Variants in GLB1 observed in about 807,000 individuals in gnomAD.
The protein encoded by GLB1 is beta-galactosidase.
In GLB1, 56 loss-of-function variants were observed where a neutral mutation model predicts 74.0. The observed-to-expected ratio is 0.76, with a 90% CI of 0.61 to 0.94. The LOEUF is 0.94. Ranked by LOEUF, GLB1 falls within the 40% of genes least tolerant of loss-of-function variation. The pLI is 0.00. For synonymous variants in GLB1, 323 were observed against 323.6 expected, an observed-to-expected ratio of 1.00 and a Z score of 0.02; for missense variants, 787 against 845.5, an observed-to-expected ratio of 0.93 and a Z score of 0.86.
At position 33,068,399 on chromosome 3, in the gene GLB1, A is replaced by T. The variant is rs1009480314; in HGVS notation, c.397-109T>A. 9 of 1,452,000 alleles carry T rather than the reference A, an allele frequency of 6.2e-6. No homozygotes were observed. In the South Asian group the frequency reaches 1.2e-4, roughly 19 times the overall value. The allele number at this position is 1,452,000 out of a possible 1,614,324, so 89.9% of individuals were successfully genotyped here. ...GAAAAGAATAAAAGCTTCAAGGGAC[A>T]AGGGGTATTTGAGCTGGGCTTTTTG... On this transcript the variant is annotated intron_variant, in intron 3 of 15. Transcript: ENST00000307363.
chr3:33,067,037 T>C (rs1375693017), intron 4 of GLB1, among the ~76,000 whole-genome samples: 1 of 149,904 alleles, frequency 6.7e-6, no homozygotes, highest in East Asian at 2.0e-4. Context: ...AGTTTCGCTC[T>C]TGTTGCCCAG....
chr3:33,017,609 G>A (rs12635761), intron 13 of GLB1, among the ~76,000 whole-genome samples: 35,657 of 152,086 alleles, frequency 0.23, 4,385 homozygotes, highest in Admixed American at 0.31. Flanking sequence ...TGACCATTTC[G>A]GTGAGAGGAC....
intron 10 of GLB1, among the ~76,000 whole-genome samples, chr3:33,029,419 C>T (rs1213117956): frequency 6.6e-6 from 1 of 152,168 alleles, no homozygotes; most frequent in Non-Finnish European, 1.5e-5. Context: ...TAAGAAAGTA[C>T]TCTGTGTCAG....
the GLB1 span, among the ~76,000 whole-genome samples, chr3:32,978,982 T>C: frequency 1.7e-4 from 26 of 150,118 alleles, no homozygotes; most frequent in African/African-American, 5.9e-4. Flanking sequence ...TTTCTTTCTT[T>C]TTTTTTTTTC....
chr3:32,990,764 G>C, the GLB1 span, among the ~76,000 whole-genome samples: 3 of 152,170 alleles, frequency 2.0e-5, no homozygotes, highest in African/African-American at 7.2e-5. Flanking sequence ...ACGAGGTCAG[G>C]AGATCGAGAC....
At chr3:33,000,029 A>T (rs1696487916) in intron 15 of GLB1, among the ~76,000 whole-genome samples, 1 of 149,222 alleles carries the variant, frequency 6.7e-6, no homozygotes, top group Non-Finnish European at 1.5e-5. Flanking sequence ...CACCATCACG[A>T]CTCACTGTAG....
chr3:32,979,709 G>A, the GLB1 span, among the ~76,000 whole-genome samples: 1 of 151,668 alleles, frequency 6.6e-6, no homozygotes, highest in African/African-American at 2.4e-5. Flanking sequence ...AAAATTAGCT[G>A]GGCATGGTGG....
At chr3:33,040,441 C>CA (rs71070115) in intron 10 of GLB1, among the ~76,000 whole-genome samples, 19,547 of 146,642 alleles carry the variant, frequency 0.13, 1,660 homozygotes, top group Non-Finnish European at 0.19. Context: ...CCTGGCTCTA[C>CA]AAAAAAAAAA....
chr3:33,017,830 A>C (rs1697296676), intron 13 of GLB1, among the ~76,000 whole-genome samples: 1 of 152,196 alleles, frequency 6.6e-6, no homozygotes, highest in Non-Finnish European at 1.5e-5. Context: ...AACATCAGTC[A>C]CAGAAGGGCG....
At chr3:33,006,095 C>A (rs58451264) in intron 15 of GLB1, among the ~76,000 whole-genome samples, 11,146 of 152,236 alleles carry the variant, frequency 0.073, 447 homozygotes, top group Non-Finnish European at 0.086. Context: ...CCACACCCAG[C>A]TGAAAGAGAG....
intron 5 of GLB1, among the ~76,000 whole-genome samples, chr3:33,062,894 G>C (rs1699504389): frequency 6.6e-6 from 1 of 152,182 alleles, no homozygotes; most frequent in Non-Finnish European, 1.5e-5. Context: ...CGTTCGGTGG[G>C]TATGTGATGT....
At chr3:33,034,676 A>G in intron 10 of GLB1, 1 of 731,178 alleles carries the variant, frequency 1.4e-6, no homozygotes, top group Non-Finnish European at 2.6e-6. Flanking sequence ...CATATTGGCC[A>G]TCTCTGGTGG....
the GLB1 span, among the ~76,000 whole-genome samples, chr3:32,989,138 G>A: frequency 6.6e-6 from 1 of 152,160 alleles, no homozygotes; most frequent in Admixed American, 6.5e-5. Context: ...ATGGCAGACA[G>A]TGGACAGATG....
chr3:32,976,397 G>A, the GLB1 span, among the ~76,000 whole-genome samples: 1 of 152,164 alleles, frequency 6.6e-6, no homozygotes. Flanking sequence ...ACTCTTGCAG[G>A]CTGCCTTGGT....
chr3:32,991,961 A>G (rs1696229387), downstream of GLB1, among the ~76,000 whole-genome samples: 1 of 152,274 alleles, frequency 6.6e-6, no homozygotes, highest in Non-Finnish European at 1.5e-5. Flanking sequence ...AACAGACAAC[A>G]GCACACATTG....
the GLB1 span, among the ~76,000 whole-genome samples, chr3:32,984,896 C>G: frequency 1.3e-5 from 2 of 151,280 alleles, no homozygotes; most frequent in African/African-American, 4.9e-5. Flanking sequence ...GAGCTGAGAT[C>G]GCGCCACTGC....
At chr3:33,031,214 C>A (rs1697990467) in intron 10 of GLB1, among the ~76,000 whole-genome samples, 1 of 152,056 alleles carries the variant, frequency 6.6e-6, no homozygotes, top group South Asian at 2.1e-4. Context: ...CTTTTTGAGT[C>A]TTTGATGAAG....
At chr3:33,029,185 T>C (rs1697902818) in intron 10 of GLB1, among the ~76,000 whole-genome samples, 1 of 152,222 alleles carries the variant, frequency 6.6e-6, no homozygotes, top group South Asian at 2.1e-4. Flanking sequence ...AATGAACAAA[T>C]ATACCAAAAT....
At chr3:33,053,283 G>A (rs1036642300) in intron 7 of GLB1, among the ~76,000 whole-genome samples, 2 of 152,184 alleles carry the variant, frequency 1.3e-5, no homozygotes, top group Non-Finnish European at 2.9e-5. Context: ...TTGGTCCCCA[G>A]TCTGTTCCAC....
Sources: allele counts gnomAD v4.1 joint callset (sites outside exome capture counted in the v4.1 genomes callset), GRCh38; gene constraint gnomAD v4.1.1; transcripts MANE v1.5; gene names NCBI Gene and HGNC (gene_info 2026-07-23, HGNC 2026-07-21).